Variants in LRGUK observed in about 807,000 individuals in gnomAD.
LRGUK encodes leucine rich repeats and guanylate kinase domain containing.
Under a neutral mutation model 76.0 loss-of-function variants are expected in LRGUK, and 65 were observed. That is an observed-to-expected ratio of 0.85 (90% CI 0.70 to 1.05). LRGUK has a LOEUF of 1.05. Among genes scored for constraint, LRGUK ranks in the 50% least tolerant of loss-of-function variants. The pLI is 0.00. For missense variants in LRGUK, 758 were observed against 732.8 expected, an observed-to-expected ratio of 1.03 and a Z score of -0.40; for synonymous variants, 268 against 265.6, an observed-to-expected ratio of 1.01 and a Z score of -0.09.
chr7:134,264,174 T>C, exon 20 of LRGUK: 1 of 441,392 alleles, frequency 2.3e-6, no homozygotes, highest in Non-Finnish European at 3.8e-6. Flanking sequence ...ATTAAAAAAT[T>C]GTTTCTTAAA....
chr7:134,184,560 C>T (rs535144140), intron 11 of LRGUK, among the ~76,000 whole-genome samples: 7 of 152,086 alleles, frequency 4.6e-5, no homozygotes, highest in South Asian at 2.1e-4. Flanking sequence ...TGAGCCACCG[C>T]GCCTGACCGA....
chr7:134,197,919 A>T (rs1800574941), intron 13 of LRGUK, among the ~76,000 whole-genome samples: 2 of 152,352 alleles, frequency 1.3e-5, no homozygotes, highest in Admixed American at 1.3e-4. Flanking sequence ...GAATTAAAAA[A>T]AAAGCAATTA....
the LRGUK span, among the ~76,000 whole-genome samples, chr7:134,272,370 A>G: frequency 0.02 from 3,042 of 151,954 alleles, 38 homozygotes; most frequent in Non-Finnish European, 0.032. Context: ...TCTCACTGTG[A>G]TAGGGTTTCT....
rs572923233 is a variant in LRGUK at position 134,224,779 on chromosome 7, G to T, written c.1983+2861G>T. ...TAAAGAGAGTGCTGGTTGGCTGGGCGTGGTGGCTCATGCCTGTAATCCCAG... is the reference window on the plus strand; with the variant it reads ...TAAAGAGAGTGCTGGTTGGCTGGGCTTGGTGGCTCATGCCTGTAATCCCAG... On this transcript the variant is annotated intron_variant, in intron 16 of 19. Transcript: ENST00000285928. Among the ~76,000 whole-genome samples, 5 of 152,270 alleles carry T rather than the reference G, an allele frequency of 3.3e-5. No homozygotes were observed. In the South Asian group the frequency reaches 1.0e-3, roughly 32 times the overall value.
chr7:134,236,948 C>A (rs544022119), intron 16 of LRGUK, among the ~76,000 whole-genome samples: 15 of 152,000 alleles, frequency 9.9e-5, no homozygotes, highest in Middle Eastern at 3.4e-3. Flanking sequence ...GTAATTCTAT[C>A]ATTTCATTTT....
intron 10 of LRGUK, among the ~76,000 whole-genome samples, chr7:134,180,426 A>T (rs907739315): frequency 6.6e-6 from 1 of 152,134 alleles, no homozygotes; most frequent in African/African-American, 2.4e-5. Flanking sequence ...AGATAGATGG[A>T]TTAAATACCT....
intron 10 of LRGUK, among the ~76,000 whole-genome samples, chr7:134,181,070 T>C (rs1296490062): frequency 6.6e-6 from 1 of 152,198 alleles, no homozygotes; most frequent in Non-Finnish European, 1.5e-5. Flanking sequence ...CCTTCTTTGC[T>C]GTTATTTAGT....
Position 134,167,374 on chromosome 7 carries a change from A to G in LRGUK, c.939+3834A>G, listed in dbSNP as rs911762429. Among the ~76,000 whole-genome samples the G allele has an allele frequency of 2.6e-5, 4 of 151,918 alleles. No individual in the cohort carries two copies. The East Asian group carries it at 7.7e-4, about 29-fold the overall frequency. On this transcript the variant is annotated intron_variant, in intron 7 of 15. Transcript: ENST00000645682. ...AATGTGACTTTCCCCTTTGCCCCTG[A>G]CCCCTTTCTTAATGCCTGTATCACA...
chr7:134,220,296 C>T (rs1044981241), intron 15 of LRGUK, among the ~76,000 whole-genome samples: 2 of 152,202 alleles, frequency 1.3e-5, no homozygotes, highest in African/African-American at 4.8e-5. Context: ...TTTCTCAAGA[C>T]AGGGGCTAGG....
At chr7:134,133,100 A>G (rs754304694) in intron 1 of LRGUK, among the ~76,000 whole-genome samples, 1 of 152,162 alleles carries the variant, frequency 6.6e-6, no homozygotes, top group Non-Finnish European at 1.5e-5. Context: ...CTCAGCAGCT[A>G]GGGGGCAGAT....
At chr7:134,145,422 C>T (rs1402098096) in intron 4 of LRGUK, among the ~76,000 whole-genome samples, 2 of 151,894 alleles carry the variant, frequency 1.3e-5, no homozygotes, top group African/African-American at 4.8e-5. Context: ...TAATTTTGTA[C>T]TTTTAGTAGA....
downstream of LRGUK, among the ~76,000 whole-genome samples, chr7:134,215,217 C>CA (rs796204475): frequency 1.7e-3 from 228 of 136,588 alleles, 1 homozygote; most frequent in African/African-American, 2.4e-3. Flanking sequence ...AAACACCTGG[C>CA]AAAAAAAAAA....
chr7:134,225,454 C>G (rs1004462178), intron 16 of LRGUK, among the ~76,000 whole-genome samples: 3 of 152,194 alleles, frequency 2.0e-5, no homozygotes, highest in Non-Finnish European at 4.4e-5. Context: ...AGTGTCAGCA[C>G]TGTGGCATTT....
intron 7 of LRGUK, among the ~76,000 whole-genome samples, chr7:134,165,461 C>CTCAG (rs1554460184): frequency 1.2e-4 from 18 of 152,076 alleles, no homozygotes; most frequent in Admixed American, 3.3e-4. Flanking sequence ...GTTGTAATGC[C>CTCAG]CCAATACAGT....
At chr7:134,250,228 A>G (rs765759677) in intron 18 of LRGUK, among the ~76,000 whole-genome samples, 2 of 152,186 alleles carry the variant, frequency 1.3e-5, no homozygotes, top group African/African-American at 2.4e-5. Flanking sequence ...TTTTTCCTGT[A>G]ACACCTAAAT....
chr7:134,248,934 T>A lies in LRGUK; in HGVS notation c.2073-17T>A, dbSNP rs74706641. The stretch of plus-strand genomic sequence containing the variant: ...AAATCCTTTGGTTTTTTTTTTTTTT[T>A]AAATTTCCCATTCCAGGGGTCCAGT... On this transcript the variant is annotated splice_polypyrimidine_tract_variant and intron_variant, in intron 17 of 19. Coordinates refer to the LRGUK transcript ENST00000285928. 60 of 1,428,352 alleles carry A rather than the reference T, an allele frequency of 4.2e-5. No individual in the cohort carries two copies. The highest frequency in any genetic ancestry group is 4.7e-5 in the Non-Finnish European group (51 of 1,081,852). 88.5% of individuals were successfully genotyped at this position (1,428,352 alleles called of 1,614,324 possible).
chr7:134,185,236 A>G (rs1367538666), intron 11 of LRGUK, among the ~76,000 whole-genome samples: 1 of 152,124 alleles, frequency 6.6e-6, no homozygotes. Context: ...CAAAAAAACC[A>G]CACACACACA....
At chr7:134,273,917 AT>A in the LRGUK span, among the ~76,000 whole-genome samples, 1 of 152,248 alleles carries the variant, frequency 6.6e-6, no homozygotes, top group East Asian at 1.9e-4. Flanking sequence ...TGTGGTTCCC[AT>A]TTGTTATAAA....
At chr7:134,133,903 A>G (rs758664364) in intron 1 of LRGUK, among the ~76,000 whole-genome samples, 4 of 152,024 alleles carry the variant, frequency 2.6e-5, no homozygotes, top group Non-Finnish European at 4.4e-5. Context: ...CTATAAAAAA[A>G]TTATAAAAAT....
Sources: allele counts gnomAD v4.1 joint callset (sites outside exome capture counted in the v4.1 genomes callset), GRCh38; gene constraint gnomAD v4.1.1; transcripts MANE v1.5; gene names NCBI Gene and HGNC (gene_info 2026-07-23, HGNC 2026-07-21).